Variants in SYNE1 observed in about 807,000 individuals in gnomAD.
SYNE1 encodes the protein spectrin repeat containing nuclear envelope protein 1.
A neutral mutation model predicts 1,111.0 loss-of-function variants in SYNE1; 616 were observed. The observed-to-expected ratio is 0.55, with a 90% CI of 0.52 to 0.59. The LOEUF is 0.59. Among genes scored for constraint, SYNE1 ranks in the 20% least tolerant of loss-of-function variants. The probability of loss-of-function intolerance (pLI) is 0.00; values close to 1 mark genes in which losing one functional copy is unlikely to be tolerated. For synonymous variants in SYNE1, 3,855 were observed against 3,825.8 expected, an observed-to-expected ratio of 1.01 and a Z score of -0.28; for missense variants, 10,006 against 10,417.0, an observed-to-expected ratio of 0.96 and a Z score of 1.72.
chr6:152,437,639 G>A (rs963197104), intron 32 of SYNE1, among the ~76,000 whole-genome samples: 1 of 152,032 alleles, frequency 6.6e-6, no homozygotes, highest in African/African-American at 2.4e-5. Flanking sequence ...CCTGAATTTT[G>A]TCAAGTAATT....
At position 152,410,419 on chromosome 6, in the gene SYNE1, C is replaced by T. The variant is rs1367124586; in HGVS notation, c.6231-710G>A. ...TTTTTTTTTTTTTTAAACAAACAAA[C>T]AAACACACACACACACACACAAACA... is the stretch of plus-strand genomic sequence containing the variant. On this transcript the variant is annotated intron_variant, in intron 42 of 145. Coordinates refer to ENST00000367255, the MANE Select transcript of SYNE1 (RefSeq NM_182961.4). The T allele has an allele frequency of 2.0e-5, 3 of 147,936 alleles. No individual in the cohort carries two copies. The East Asian group carries it at 6.0e-4, about 29-fold the overall frequency. 9.2% of individuals were successfully genotyped at this position (147,936 alleles called of 1,614,324 possible). A position where few individuals can be genotyped will look rare whatever the true frequency, so the allele number is the denominator to read the frequency against.
chr6:152,544,517 C>T (rs1423466569), intron 3 of SYNE1, among the ~76,000 whole-genome samples: 7 of 151,308 alleles, frequency 4.6e-5, no homozygotes, highest in East Asian at 3.9e-4. Flanking sequence ...AATATTATAC[C>T]GTAGTATCCC....
chr6:152,260,103 G>A (rs1207059639), intron 101 of SYNE1, among the ~76,000 whole-genome samples: 4 of 152,138 alleles, frequency 2.6e-5, no homozygotes, highest in African/African-American at 4.8e-5. Context: ...TGCAGATGCC[G>A]GACGAATCAC....
chr6:152,177,267 T>C (rs1271760868), intron 129 of SYNE1, among the ~76,000 whole-genome samples: 2 of 152,158 alleles, frequency 1.3e-5, no homozygotes, highest in African/African-American at 4.8e-5. Flanking sequence ...TATGGACTAT[T>C]TGCAAGAGAT....
intron 102 of SYNE1, among the ~76,000 whole-genome samples, chr6:152,256,038 G>A (rs868755812): frequency 4.6e-5 from 7 of 152,170 alleles, no homozygotes; most frequent in South Asian, 2.1e-4. Flanking sequence ...GGTGGAGGCT[G>A]CAGTGAGCTG....
intron 142 of SYNE1, chr6:152,134,034 T>G (rs2056478441): frequency 6.3e-6 from 1 of 159,346 alleles, no homozygotes; most frequent in African/African-American, 2.4e-5. Context: ...TTCTGTAGTT[T>G]AGGTGAGTGT....
chr6:152,482,094 A>G (rs1441382468), intron 14 of SYNE1, among the ~76,000 whole-genome samples: 4 of 152,154 alleles, frequency 2.6e-5, no homozygotes, highest in African/African-American at 9.7e-5. Context: ...TGGCCTCTGC[A>G]GATCATCAAA....
intron 75 of SYNE1, among the ~76,000 whole-genome samples, chr6:152,337,610 A>G (rs951590040): frequency 1.3e-5 from 2 of 152,236 alleles, no homozygotes; most frequent in African/African-American, 4.8e-5. Context: ...AGTTTTATCA[A>G]TGTATTAGGT....
chr6:152,555,305 G>A (rs535667930), intron 3 of SYNE1, among the ~76,000 whole-genome samples: 2 of 152,170 alleles, frequency 1.3e-5, no homozygotes, highest in East Asian at 3.9e-4. Context: ...ATACAACTGT[G>A]GTCCCATGAA....
intron 13 of SYNE1, among the ~76,000 whole-genome samples, chr6:152,484,355 T>A (rs2098928325): frequency 6.6e-6 from 1 of 152,206 alleles, no homozygotes; most frequent in Non-Finnish European, 1.5e-5. Flanking sequence ...CAATTTTCCT[T>A]CAGATTCATG....
At chr6:152,202,010 A>G (rs1156413387) in intron 126 of SYNE1, 61 bp from the exon 127 acceptor site, 2 of 1,580,880 alleles carry the variant, frequency 1.3e-6, no homozygotes, top group East Asian at 2.2e-5. Context: ...TGGGGGGGGA[A>G]AAGAAAAGAA....
chr6:152,597,215 C>CA (rs1361931783), intron 3 of SYNE1, among the ~76,000 whole-genome samples: 1 of 152,186 alleles, frequency 6.6e-6, no homozygotes, highest in African/African-American at 2.4e-5. Context: ...TATTTTTAAA[C>CA]ATTAAATAGA....
chr6:152,464,872 C>A, intron 18 of SYNE1: 1 of 287,420 alleles, frequency 3.5e-6, no homozygotes, highest in Non-Finnish European at 6.7e-6. Flanking sequence ...TGTCATGGTC[C>A]AGTTGTTCAA....
chr6:152,562,554 C>T (rs557996818), intron 3 of SYNE1, among the ~76,000 whole-genome samples: 4 of 152,070 alleles, frequency 2.6e-5, no homozygotes, highest in Non-Finnish European at 4.4e-5. Context: ...GAGTATATAT[C>T]CAAAGGAAAT....
chr6:152,205,039 G>A (rs375745927), intron 126 of SYNE1, among the ~76,000 whole-genome samples: 1 of 151,916 alleles, frequency 6.6e-6, no homozygotes, highest in African/African-American at 2.4e-5. Flanking sequence ...GTTTTTTATA[G>A]ATGTCCAGTG....
intron 140 of SYNE1, among the ~76,000 whole-genome samples, chr6:152,137,818 C>T (rs987301253): frequency 2.0e-5 from 3 of 152,184 alleles, no homozygotes; most frequent in Non-Finnish European, 4.4e-5. Flanking sequence ...TTAAGAGACA[C>T]TGTGGAAAAT....
chr6:152,618,532 T>C (rs1583525912), intron 3 of SYNE1, among the ~76,000 whole-genome samples: 1 of 152,310 alleles, frequency 6.6e-6, no homozygotes, highest in East Asian at 1.9e-4. Context: ...AGCAAATGAA[T>C]GGAAGGCAAT....
In SYNE1 at chr6:152,211,728, G is replaced by A. The variant is rs936777171; in HGVS notation, c.22495-140C>T. On this transcript the variant is annotated intron_variant, in intron 123 of 145. Transcript: ENST00000367255. ...TGAACCAGAAAATGTGTGAAATCCTGCAGTTTAGGAATCATTTATTTTTAA... is the reference window on the plus strand; with the variant it reads ...TGAACCAGAAAATGTGTGAAATCCTACAGTTTAGGAATCATTTATTTTTAA... The A allele has an allele frequency of 1.3e-5, 9 of 689,676 alleles. No individual in the cohort carries two copies. The Admixed American group carries it at 1.6e-4, about 13-fold the overall frequency. The allele number at this position is 689,676 out of a possible 1,614,324, so 42.7% of individuals were successfully genotyped here.
At chr6:152,417,183 C>G (rs966834200) in intron 40 of SYNE1, among the ~76,000 whole-genome samples, 168 bp from the exon 41 acceptor site, 2 of 152,142 alleles carry the variant, frequency 1.3e-5, no homozygotes, top group African/African-American at 2.4e-5. Flanking sequence ...TTCTGTTTTG[C>G]TGATCCACAT....
Sources: allele counts gnomAD v4.1 joint callset (sites outside exome capture counted in the v4.1 genomes callset), GRCh38; gene constraint gnomAD v4.1.1; transcripts MANE v1.5; gene names NCBI Gene and HGNC (gene_info 2026-07-23, HGNC 2026-07-21).